The following UNC13C variants were observed in gnomAD, a reference collection of about 807,000 sequenced individuals.
UNC13C encodes unc-13 homolog C.
A neutral mutation model predicts 245.4 loss-of-function variants in UNC13C; 174 were observed. The observed-to-expected ratio is 0.71, with a 90% CI of 0.63 to 0.80. The LOEUF is 0.80. UNC13C is among the 30% of genes least tolerant of loss of function. UNC13C has a pLI of 0.00. For synonymous variants in UNC13C, 992 were observed against 895.1 expected (o/e 1.11, Z -1.93); for missense variants, 2,829 against 2,602.9 (o/e 1.09, Z -1.89).
the UNC13C span, among the ~76,000 whole-genome samples, chr15:53,955,555 G>A: frequency 2.6e-5 from 4 of 152,172 alleles, no homozygotes; most frequent in Non-Finnish European, 4.4e-5. Flanking sequence ...AAGTGACAGG[G>A]CTGTTGAAAT....
At chr15:54,416,508 G>A (rs145596225) in intron 19 of UNC13C, among the ~76,000 whole-genome samples, 21 of 152,212 alleles carry the variant, frequency 1.4e-4, no homozygotes, top group Admixed American at 2.6e-4. Flanking sequence ...TTCTTCTACA[G>A]TTTATTAATG....
chr15:53,879,122 C>A, the UNC13C span, among the ~76,000 whole-genome samples: 10 of 152,022 alleles, frequency 6.6e-5, no homozygotes, highest in Admixed American at 5.9e-4. Context: ...AATAGTCCTC[C>A]AAGATTTTTA....
chr15:54,619,611 T>C (rs1374588162), intron 30 of UNC13C, among the ~76,000 whole-genome samples: 1 of 152,206 alleles, frequency 6.6e-6, no homozygotes, highest in Non-Finnish European at 1.5e-5. Flanking sequence ...CAGAATTAGC[T>C]TGTGAAGTTT....
chr15:54,167,321 T>C (rs1221011851), intron 4 of UNC13C, among the ~76,000 whole-genome samples: 1 of 151,382 alleles, frequency 6.6e-6, no homozygotes, highest in Non-Finnish European at 1.5e-5. Flanking sequence ...GCTGACATGG[T>C]GAAACCCCGT....
chr15:54,062,438 T>G (rs1897886871), intron 2 of UNC13C, among the ~76,000 whole-genome samples: 1 of 152,170 alleles, frequency 6.6e-6, no homozygotes, highest in East Asian at 1.9e-4. Context: ...ATGATTCTTC[T>G]TATCCTAGCC....
In UNC13C at chr15:54,623,937, C is replaced by T. The variant is rs754566926; in HGVS notation, c.6342C>T (p.Tyr2114=). Residue 2114 remains tyrosine (Y), a synonymous_variant, in exon 32 of 33, where the codon TAC becomes TAT. Transcript: ENST00000260323. ...AAAGCAACACATGGTCACCAAAGTA[C>T]AATGAAACATTTCAGTTGTAAGTCA... ...KTKSNTWSPK[Y]NETFQFILGK... is the part of the protein sequence containing the mutation. The T allele has an allele frequency of 3.7e-6, 6 of 1,613,098 alleles. No individual in the cohort carries two copies. Among genetic ancestry groups the T allele is most frequent in the East Asian group, 2.2e-5 (1 of 44,854 alleles).
chr15:54,158,281 G>A (rs1293673220), intron 4 of UNC13C, among the ~76,000 whole-genome samples: 1 of 152,170 alleles, frequency 6.6e-6, no homozygotes, highest in African/African-American at 2.4e-5. Flanking sequence ...GGCAGATGCT[G>A]CCAAACTTCT....
At chr15:54,576,302 A>C (rs1209210770) in intron 30 of UNC13C, among the ~76,000 whole-genome samples, 2 of 152,232 alleles carry the variant, frequency 1.3e-5, no homozygotes, top group African/African-American at 4.8e-5. Flanking sequence ...GAAAGAAATC[A>C]GTCTATCATT....
intron 2 of UNC13C, among the ~76,000 whole-genome samples, chr15:54,058,257 C>T (rs1345206531): frequency 6.6e-6 from 1 of 151,980 alleles, no homozygotes; most frequent in East Asian, 1.9e-4. Flanking sequence ...CAAATAGACA[C>T]AATAAAAAAT....
chr15:54,523,017 T>G (rs8024541), intron 24 of UNC13C, among the ~76,000 whole-genome samples: 11,874 of 152,228 alleles, frequency 0.078, 564 homozygotes, highest in Admixed American at 0.13. Flanking sequence ...TTTGAAAAAA[T>G]ATTAGATTGC....
rs1898055858 is a variant in UNC13C, at chr15:54,065,915, A to G, written c.2983+50029A>G. ...AAGGAATCACTGTACTGGCTAATGG[A>G]AAACAAAGCAAGCACAGTTTGAATT... is the stretch of plus-strand genomic sequence containing the variant. On this transcript the variant is annotated intron_variant, in intron 2 of 32. Coordinates refer to ENST00000260323, the MANE Select transcript of UNC13C (RefSeq NM_001080534.3). Among the ~76,000 whole-genome samples, 7 of 152,336 alleles carry G rather than the reference A, an allele frequency of 4.6e-5. No individual in the cohort carries two copies. The South Asian group carries it at 1.4e-3, about 32-fold the overall frequency.
intron 30 of UNC13C, among the ~76,000 whole-genome samples, chr15:54,595,164 G>A (rs1325399459): frequency 6.6e-6 from 1 of 152,106 alleles, no homozygotes; most frequent in African/African-American, 2.4e-5. Flanking sequence ...GTGGGTTTCA[G>A]GAGGAGCCTA....
chr15:54,179,369 A>G (rs561824907), intron 4 of UNC13C, among the ~76,000 whole-genome samples: 12 of 152,270 alleles, frequency 7.9e-5, no homozygotes, highest in Admixed American at 7.9e-4. Flanking sequence ...GCTATTATTA[A>G]TATATCAAAG....
At chr15:54,625,447 A>C (rs1166446722) in intron 32 of UNC13C, among the ~76,000 whole-genome samples, 4 of 152,142 alleles carry the variant, frequency 2.6e-5, no homozygotes, top group African/African-American at 9.7e-5. Flanking sequence ...GGAAGATAGC[A>C]ATTTACCAAG....
chr15:54,568,097 C>A, intron 30 of UNC13C, 150 bp downstream of exon 30: 1 of 468,366 alleles, frequency 2.1e-6, no homozygotes, highest in Non-Finnish European at 3.5e-6. Context: ...TAGAGAATAC[C>A]AATTTTTTTA....
intron 30 of UNC13C, among the ~76,000 whole-genome samples, chr15:54,601,658 T>C (rs367743865): frequency 2.0e-5 from 3 of 152,200 alleles, no homozygotes; most frequent in African/African-American, 7.2e-5. Flanking sequence ...TCCTTATCCA[T>C]ATGCTTTTTT....
chr15:54,310,182 G>A (rs2037832504), intron 13 of UNC13C, among the ~76,000 whole-genome samples: 2 of 151,696 alleles, frequency 1.3e-5, no homozygotes, highest in Admixed American at 6.6e-5. Flanking sequence ...GGTTGTACTT[G>A]TAATCCTATT....
chr15:54,625,089 AAATGTATACTTG>A (rs1334141692), intron 32 of UNC13C, among the ~76,000 whole-genome samples: 1 of 152,154 alleles, frequency 6.6e-6, no homozygotes, highest in East Asian at 1.9e-4. Context: ...ATCAAGTTTG[AAATGTATACTTG>A]AATGTATACT....
chr15:54,386,360 T>A (rs1477893505), intron 17 of UNC13C, among the ~76,000 whole-genome samples: 1 of 152,192 alleles, frequency 6.6e-6, no homozygotes, highest in African/African-American at 2.4e-5. Context: ...TCACTAGCAC[T>A]TGGCAGAGAT....
Sources: gnomAD v4.1 joint callset for allele counts (sites outside exome capture counted in the v4.1 genomes callset) on GRCh38, gnomAD v4.1.1 for gene constraint, MANE v1.5 for transcripts, NCBI Gene and HGNC (gene_info 2026-07-23, HGNC 2026-07-21) for gene names.